The following RPS6KC1 variants were observed in gnomAD, a reference collection of about 807,000 sequenced individuals.
RPS6KC1 encodes ribosomal protein S6 kinase C1.
A neutral mutation model predicts 103.8 loss-of-function variants in RPS6KC1; 54 were observed. That is an observed-to-expected ratio of 0.52 (90% CI 0.42 to 0.65). The LOEUF (loss-of-function observed/expected upper bound fraction) is 0.65, where lower values mean the gene tolerates loss of function less well. Among genes scored for constraint, RPS6KC1 ranks in the 30% least tolerant of loss-of-function variants. The probability of loss-of-function intolerance (pLI) is 0.00; values close to 1 mark genes in which losing one functional copy is unlikely to be tolerated. For missense variants in RPS6KC1, 1,151 were observed against 1,253.8 expected (o/e 0.92, Z 1.24); for synonymous variants, 439 against 438.7 (o/e 1.00, Z -0.01).
At chr1:213,721,940 G>T in the RPS6KC1 span, among the ~76,000 whole-genome samples, 1 of 152,056 alleles carries the variant, frequency 6.6e-6, no homozygotes, top group African/African-American at 2.4e-5. Flanking sequence ...ACTTAGCCTG[G>T]GTGATTCAAT....
the RPS6KC1 span, among the ~76,000 whole-genome samples, chr1:213,545,403 TAAATAAATAAATA>T: frequency 1.1e-4 from 9 of 82,436 alleles, no homozygotes; most frequent in African/African-American, 3.4e-4. Context: ...AATAAATAAA[TAAATAAATAAATA>T]AAATAAAATA....
chr1:213,396,754 T>G, the RPS6KC1 span, among the ~76,000 whole-genome samples: 1 of 152,198 alleles, frequency 6.6e-6, no homozygotes, highest in East Asian at 1.9e-4. Flanking sequence ...TTTGTGGCGC[T>G]CCTGCACCTG....
chr1:213,087,126 A>G (rs1432133503), intron 3 of RPS6KC1, among the ~76,000 whole-genome samples: 2 of 152,160 alleles, frequency 1.3e-5, no homozygotes, highest in Admixed American at 6.5e-5. Context: ...TTACAGATGA[A>G]ATGGACTTAT....
the RPS6KC1 span, among the ~76,000 whole-genome samples, chr1:213,537,334 T>C: frequency 2.0e-5 from 3 of 152,174 alleles, no homozygotes; most frequent in African/African-American, 4.8e-5. Context: ...TTATTGCCAC[T>C]GGGAGCGTTT....
intron 8 of RPS6KC1, among the ~76,000 whole-genome samples, chr1:213,206,369 T>C (rs2093349683): frequency 6.6e-6 from 1 of 152,248 alleles, no homozygotes; most frequent in Non-Finnish European, 1.5e-5. Context: ...CTTTTATTTA[T>C]CAATTTAACA....
chr1:213,260,467 A>G (rs892991668), intron 12 of RPS6KC1, among the ~76,000 whole-genome samples: 8 of 152,234 alleles, frequency 5.3e-5, no homozygotes, highest in South Asian at 2.1e-4. Context: ...CTTTAAGACT[A>G]TTGCTCAAGC....
the RPS6KC1 span, among the ~76,000 whole-genome samples, chr1:213,400,170 T>G: frequency 6.6e-6 from 1 of 152,100 alleles, no homozygotes; most frequent in African/African-American, 2.4e-5. Flanking sequence ...CAGAACTGAC[T>G]GCTCAGGTGA....
chr1:213,355,549 A>C, the RPS6KC1 span, among the ~76,000 whole-genome samples: 5 of 152,338 alleles, frequency 3.3e-5, no homozygotes, highest in South Asian at 1.0e-3. Flanking sequence ...AGCATCTTGC[A>C]AAAATCATGC....
the RPS6KC1 span, among the ~76,000 whole-genome samples, chr1:213,680,131 T>C: frequency 1.3e-5 from 2 of 152,134 alleles, no homozygotes; most frequent in Admixed American, 1.3e-4. Flanking sequence ...TAAATGATAA[T>C]GAGAGTCGCT....
chr1:213,284,734 A>T, the RPS6KC1 span, among the ~76,000 whole-genome samples: 323 of 152,058 alleles, frequency 2.1e-3, 1 homozygote, highest in African/African-American at 7.1e-3. Flanking sequence ...TCTGAAATTT[A>T]AAAAAAAGCA....
At chr1:213,275,606 T>C (rs926858146), downstream of RPS6KC1, among the ~76,000 whole-genome samples, 1 of 152,180 alleles carries the variant, frequency 6.6e-6, no homozygotes, top group Non-Finnish European at 1.5e-5. Flanking sequence ...CAAATAATAG[T>C]TATGTATATT....
intron 12 of RPS6KC1, among the ~76,000 whole-genome samples, chr1:213,251,328 T>A (rs2094542540): frequency 6.6e-6 from 1 of 152,146 alleles, no homozygotes; most frequent in Non-Finnish European, 1.5e-5. Flanking sequence ...AGGCTGGTCC[T>A]GAACTGACCT....
At chr1:213,180,405 G>T (rs2148349810) in intron 8 of RPS6KC1, among the ~76,000 whole-genome samples, 1 of 152,230 alleles carries the variant, frequency 6.6e-6, no homozygotes, top group African/African-American at 2.4e-5. Flanking sequence ...ACAAATTCAA[G>T]AGAAACAAAT....
chr1:213,789,018 G>A, the RPS6KC1 span, among the ~76,000 whole-genome samples: 1 of 152,114 alleles, frequency 6.6e-6, no homozygotes, highest in Non-Finnish European at 1.5e-5. Flanking sequence ...GGAAAACTAG[G>A]GCCCAAGTCT....
chr1:213,403,580 G>T, the RPS6KC1 span, among the ~76,000 whole-genome samples: 4 of 152,102 alleles, frequency 2.6e-5, no homozygotes, highest in East Asian at 7.7e-4. Flanking sequence ...TTTCCTATTT[G>T]CAGCCTTGAT....
chr1:213,270,662 G>A (rs541590267), intron 14 of RPS6KC1, among the ~76,000 whole-genome samples: 23 of 152,046 alleles, frequency 1.5e-4, no homozygotes, highest in African/African-American at 5.1e-4. Flanking sequence ...ATGAAGACAA[G>A]TCACAGACTG....
At chr1:213,077,920 T>C (rs1181625830) in intron 3 of RPS6KC1, 104 bp downstream of exon 3, 3 of 537,704 alleles carry the variant, frequency 5.6e-6, no homozygotes, top group African/African-American at 3.9e-5. Flanking sequence ...CTTTTACTTA[T>C]TGAGATAATT....
At chr1:213,724,087 T>C in the RPS6KC1 span, among the ~76,000 whole-genome samples, 42 of 152,284 alleles carry the variant, frequency 2.8e-4, no homozygotes, top group Middle Eastern at 3.4e-3. Flanking sequence ...GATTTCTTTT[T>C]CATTTTTTTA....
At chr1:213,227,693 A>G (rs989347996) in intron 8 of RPS6KC1, among the ~76,000 whole-genome samples, 3 of 152,174 alleles carry the variant, frequency 2.0e-5, no homozygotes, top group Non-Finnish European at 4.4e-5. Context: ...TAGGCTTGCT[A>G]TGAGATCCTA....
Sources: allele counts gnomAD v4.1 joint callset (sites outside exome capture counted in the v4.1 genomes callset), GRCh38; gene constraint gnomAD v4.1.1; transcripts MANE v1.5; gene names NCBI Gene and HGNC (gene_info 2026-07-23, HGNC 2026-07-21).